CA5B: variants seen among roughly 807,000 people sequenced by gnomAD.
The protein encoded by CA5B is carbonic anhydrase 5B.
In CA5B, 15 loss-of-function variants were observed where a neutral mutation model predicts 23.1. The ratio of observed to expected loss-of-function variants is 0.65; its 90% CI spans 0.43 to 1.00. The LOEUF (loss-of-function observed/expected upper bound fraction) is 1.00. Among genes scored for constraint, CA5B ranks in the 50% least tolerant of loss-of-function variants. The pLI is 0.00. For missense variants in CA5B, 236 were observed against 252.2 expected, an observed-to-expected ratio of 0.94 and a Z score of 0.43; for synonymous variants, 84 against 98.5, an observed-to-expected ratio of 0.85 and a Z score of 0.87.
intron 7 of CA5B, among the ~76,000 whole-genome samples, chrX:15,779,549 G>A (rs924916691): frequency 6.3e-5 from 7 of 111,825 alleles, no homozygotes; most frequent in African/African-American, 9.8e-5. Context: ...GATAAATATA[G>A]CATCTCAACT....
chrX:15,778,007 C>T (rs1362273375), intron 7 of CA5B, among the ~76,000 whole-genome samples: 1 of 111,496 alleles, frequency 9.0e-6, no homozygotes, highest in East Asian at 2.8e-4. Flanking sequence ...ATTTGGTAAT[C>T]AGTGGAATAC....
chrX:15,741,004 G>T (rs1931108171), intron 1 of CA5B, among the ~76,000 whole-genome samples: 1 of 111,348 alleles, frequency 9.0e-6, no homozygotes, highest in Admixed American at 9.4e-5. Flanking sequence ...GGAGGGTACA[G>T]TGAGCCAAGA....
intron 2 of CA5B, among the ~76,000 whole-genome samples, chrX:15,750,850 G>T (rs1931342597): frequency 9.0e-6 from 1 of 111,701 alleles, no homozygotes; most frequent in South Asian, 3.7e-4. Flanking sequence ...ATTCTCCACT[G>T]CGGCATGATG....
chrX:15,788,356 A>G lies in CA5B; in HGVS notation c.*5692A>G, dbSNP rs1449904736. 5 of 112,185 alleles carry G rather than the reference A, an allele frequency of 4.5e-5. No homozygotes were observed. The East Asian group carries it at 1.4e-3, about 31-fold the overall frequency. The allele number at this position is 112,185 out of a possible 1,213,427, so 9.2% of individuals were successfully genotyped here. ...CACTATTGCTAGGCACTGTATCAGC[A>G]TATAACATGGCTTATCTTACTCAGT... On this transcript the variant is annotated 3_prime_UTR_variant, in exon 8 of 8. Transcript: ENST00000318636.
In CA5B at chrX:15,764,535, C is replaced by T. The variant is rs201121419; in HGVS notation, c.143-43C>T. On this transcript the variant is annotated intron_variant, in intron 2 of 7. Coordinates refer to ENST00000318636, the MANE Select transcript of CA5B (RefSeq NM_007220.4). ...GATTATAGGAGTGAGCCACTGCACT[C>T]GGTCCAACAGTCTTGATAATAGGCT... 48 of 1,201,004 alleles carry T rather than the reference C, an allele frequency of 4.0e-5. No homozygotes were observed. The South Asian group carries it at 5.2e-4, about 13-fold the overall frequency.
intron 1 of CA5B, among the ~76,000 whole-genome samples, chrX:15,749,574 A>G (rs1459508076): frequency 9.1e-6 from 1 of 110,044 alleles, no homozygotes; most frequent in Admixed American, 9.7e-5. Flanking sequence ...GCCTGGAGGG[A>G]GCTTTAATGT....
At chrX:15,745,860 G>A (rs1036429997) in intron 1 of CA5B, 5 of 111,315 alleles carry the variant, frequency 4.5e-5, no homozygotes, top group Admixed American at 1.9e-4. Context: ...ACTAAAAGTC[G>A]TCCAAAATGA....
At chrX:15,760,138 C>G (rs1482193873) in intron 2 of CA5B, among the ~76,000 whole-genome samples, 1 of 111,334 alleles carries the variant, frequency 9.0e-6, no homozygotes. Context: ...TTTCCCTATA[C>G]AAGAAGAACC....
At chrX:15,752,988 C>A (rs1189697458) in intron 2 of CA5B, among the ~76,000 whole-genome samples, 1 of 109,208 alleles carries the variant, frequency 9.2e-6, no homozygotes, top group Non-Finnish European at 1.9e-5. Context: ...AGCGTAGAAG[C>A]CCCCCCAACC....
intron 1 of CA5B, among the ~76,000 whole-genome samples, chrX:15,747,926 G>A (rs1475513018): frequency 1.8e-5 from 2 of 110,924 alleles, no homozygotes; most frequent in Non-Finnish European, 3.8e-5. Flanking sequence ...TTTCTCTTGC[G>A]AGAGGAGAGC....
chrX:15,740,934 C>T (rs750986063), intron 1 of CA5B, among the ~76,000 whole-genome samples: 7 of 111,237 alleles, frequency 6.3e-5, no homozygotes, highest in Admixed American at 1.9e-4. Context: ...CGTGGTGGTA[C>T]GCCTGTGGTC....
rs1291797312 is a variant in CA5B, at chrX:15,786,442, A to G, written c.*3778A>G. On this transcript the variant is annotated 3_prime_UTR_variant, in exon 8 of 8. Transcript: ENST00000318636. The stretch of plus-strand genomic sequence containing the variant: ...AGGGGCACAGCAGATTTCCCTGGCT[A>G]CTGATACACCTTAACAAGAAGCTTG... The G allele has an allele frequency of 3.6e-5, 4 of 111,200 alleles. No individual in the cohort carries two copies. The highest frequency in any genetic ancestry group is 1.3e-4 in the African/African-American group (4 of 30,529). The allele number at this position is 111,200 out of a possible 1,213,427, so 9.2% of individuals were successfully genotyped here.
chrX:15,772,309 T>G (rs1931835420), intron 3 of CA5B, among the ~76,000 whole-genome samples, 187 bp from the exon 4 acceptor site: 1 of 112,517 alleles, frequency 8.9e-6, no homozygotes, highest in South Asian at 3.7e-4. Context: ...AATCTTGATG[T>G]TATTTGGTCT....
intron 1 of CA5B, among the ~76,000 whole-genome samples, chrX:15,739,725 A>G (rs1931080022): frequency 8.9e-6 from 1 of 112,192 alleles, no homozygotes; most frequent in African/African-American, 3.2e-5. Context: ...AAGAGCAGTT[A>G]TTAGAAACAT....
In CA5B at chrX:15,747,025, G is replaced by A. The variant is rs779568361; in HGVS notation, c.-53-2946G>A. 4.1e-3 allele frequency among the ~76,000 whole-genome samples: 458 copies of A among 111,717 alleles called. 1 individual carries two copies. The highest frequency in any genetic ancestry group is 0.014 in the African/African-American group (427 of 30,762). On this transcript the variant is annotated intron_variant, in intron 1 of 7. Transcript: ENST00000318636. Reference sequence around the variant, plus strand: ...TTGTTAGTCCTGCAGAGGCAGACTCGTCCCCAGGCAAGAAGGGGGTCTTTT... The same window carrying A: ...TTGTTAGTCCTGCAGAGGCAGACTCATCCCCAGGCAAGAAGGGGGTCTTTT...
Position 15,752,618 on chromosome X carries a change from A to C in CA5B, c.142+2453A>C, listed in dbSNP as rs752242327. Among the ~76,000 whole-genome samples the C allele has an allele frequency of 7.2e-5, 8 of 110,742 alleles. No individual in the cohort carries two copies. The East Asian group carries it at 1.7e-3, about 24-fold the overall frequency. On this transcript the variant is annotated intron_variant, in intron 2 of 7. Coordinates refer to ENST00000318636, the MANE Select transcript of CA5B (RefSeq NM_007220.4). The stretch of plus-strand genomic sequence containing the variant: ...TGGGCGCCTGCAGTCCCAGCTACTA[A>C]GGATGCTGAGGCATGAGAATGGCGT...
At chrX:15,762,834 A>C (rs1470587109) in intron 2 of CA5B, 2 of 373,034 alleles carry the variant, frequency 5.4e-6, no homozygotes, top group Non-Finnish European at 1.1e-5. Flanking sequence ...AGGACAGGGA[A>C]ATGGACCACC....
rs752030222 is a variant in CA5B at position 15,781,673 on chromosome X, G to A, written c.775-812G>A. Among the ~76,000 whole-genome samples the A allele has an allele frequency of 5.4e-5, 6 of 111,599 alleles. No individual in the cohort carries two copies. The South Asian group carries it at 2.2e-3, about 42-fold the overall frequency. ...CACACCTGTAATCCCAGCACTTTGG[G>A]AGACCTAGCTGGGAGGATCACTTGA... On this transcript the variant is annotated intron_variant, in intron 7 of 7. Transcript: ENST00000318636.
intron 1 of CA5B, among the ~76,000 whole-genome samples, chrX:15,748,715 C>T (rs1180215598): frequency 1.2e-5 from 1 of 85,156 alleles, no homozygotes; most frequent in African/African-American, 4.4e-5. Context: ...AGAACCCCCC[C>T]CCCCGCCCCC....
Sources: gnomAD v4.1 joint callset for allele counts (sites outside exome capture counted in the v4.1 genomes callset) on GRCh38, gnomAD v4.1.1 for gene constraint, MANE v1.5 for transcripts, NCBI Gene and HGNC (gene_info 2026-07-23, HGNC 2026-07-21) for gene names.